Variants in STX17 observed in about 807,000 individuals in gnomAD.
STX17 encodes syntaxin 17.
Under a neutral mutation model 35.9 loss-of-function variants are expected in STX17, and 29 were observed. The ratio of observed to expected loss-of-function variants is 0.81; its 90% CI spans 0.60 to 1.10. The LOEUF is 1.10. Ranked by LOEUF, STX17 falls within the 50% of genes least tolerant of loss-of-function variation. The pLI is 0.00. For missense variants in STX17, 312 were observed against 352.3 expected (o/e 0.89, Z 0.92); for synonymous variants, 92 against 118.3 (o/e 0.78, Z 1.44).
chr9:99,907,975 A>G (rs1828584243), intron 1 of STX17, among the ~76,000 whole-genome samples: 1 of 152,108 alleles, frequency 6.6e-6, no homozygotes, highest in African/African-American at 2.4e-5. Context: ...TTCTGTCTTT[A>G]TACTCTTTCT....
chr9:99,935,561 T>C (rs1829216495), intron 3 of STX17, among the ~76,000 whole-genome samples: 1 of 152,194 alleles, frequency 6.6e-6, no homozygotes, highest in African/African-American at 2.4e-5. Context: ...TGCTGTGTTC[T>C]AGATACTCTT....
At chr9:99,941,941 G>A (rs765585615) in intron 3 of STX17, among the ~76,000 whole-genome samples, 166 of 152,196 alleles carry the variant, frequency 1.1e-3, no homozygotes, top group Non-Finnish European at 2.0e-3. Context: ...TAACATTCTT[G>A]TATATTTTTA....
At chr9:99,908,869 A>G (rs981846728) in intron 1 of STX17, among the ~76,000 whole-genome samples, 15 of 152,222 alleles carry the variant, frequency 9.9e-5, no homozygotes, top group African/African-American at 3.1e-4. Context: ...ACAAAGATCT[A>G]TGTTTATTTC....
Position 99,966,163 on chromosome 9 carries a change from G to C in STX17, c.583-1490G>C, listed in dbSNP as rs1300295525. Among the ~76,000 whole-genome samples the C allele has an allele frequency of 2.0e-5, 3 of 152,328 alleles. No individual in the cohort carries two copies. In the East Asian group the frequency reaches 5.8e-4, roughly 29 times the overall value. ...TCAGAAACTCCGGGGATTAGGCCCA[G>C]CAATCTGTGTTTTAAGAAGCCTCCA... On this transcript the variant is annotated intron_variant, in intron 6 of 7. Coordinates refer to ENST00000259400, the MANE Select transcript of STX17 (RefSeq NM_017919.3).
In STX17 at chr9:99,915,274, G is replaced by A. The variant is rs779595097; in HGVS notation, c.35G>A (p.Arg12His). Reference protein sequence around the residue: ...SEDEEKVKLRRLEPAIQKFIK... With the variant: ...SEDEEKVKLRHLEPAIQKFIK... ...GATGAAGAAAAAGTGAAATTACGCC[G>A]TCTTGAACCAGCTATCCAGAAATTC... The change falls in exon 2 of 8, where the codon CGT (arginine) becomes CAT (histidine). Residue 12 changes from arginine (R) to histidine (H), a missense_variant. Arg to His is a conservative substitution (Grantham distance 29, BLOSUM62 0). Transcript: ENST00000259400. 8.2e-5 allele frequency: 132 copies of A among 1,612,376 alleles called. No individual in the cohort carries two copies. The highest frequency in any genetic ancestry group is 6.7e-5 in the East Asian group (3 of 44,712).
At chr9:99,954,393 C>T (rs1465833771) in intron 4 of STX17, among the ~76,000 whole-genome samples, 1 of 151,894 alleles carries the variant, frequency 6.6e-6, no homozygotes, top group Non-Finnish European at 1.5e-5. Context: ...CTGAGTATTT[C>T]GCCAAGTGTG....
At chr9:99,961,704 C>T (rs1438183075) in intron 6 of STX17, among the ~76,000 whole-genome samples, 2 of 151,986 alleles carry the variant, frequency 1.3e-5, no homozygotes, top group African/African-American at 4.8e-5. Context: ...CTTTGAGTTA[C>T]GGTTTCCCTG....
Position 99,971,810 on chromosome 9 carries a change from C to T in STX17, c.*3137C>T, listed in dbSNP as rs548866247. 3.0e-4 allele frequency among the ~76,000 whole-genome samples: 45 copies of T among 151,848 alleles called. No individual in the cohort carries two copies. The highest frequency in any genetic ancestry group is 5.6e-4 in the Non-Finnish European group (38 of 67,970). On this transcript the variant is annotated 3_prime_UTR_variant, in exon 8 of 8. Transcript: ENST00000259400. ...CAGAGGCCAGAGGATCACTTGAGCCCAGGAGTTTGAGACCAGCCTGGGCAA... is the reference window on the plus strand; with the variant it reads ...CAGAGGCCAGAGGATCACTTGAGCCTAGGAGTTTGAGACCAGCCTGGGCAA...
chr9:99,957,685 C>T (rs2118509612), intron 4 of STX17, among the ~76,000 whole-genome samples: 1 of 147,808 alleles, frequency 6.8e-6, no homozygotes. Context: ...GACAGGGTCT[C>T]GCTCTGTTGC....
intron 3 of STX17, chr9:99,945,800 G>T: frequency 2.8e-6 from 1 of 360,328 alleles, no homozygotes; most frequent in Non-Finnish European, 5.5e-6. Context: ...GGACAGTTGC[G>T]GCCGGGCGCG....
At position 99,972,349 on chromosome 9, in the gene STX17, C is replaced by A. The variant is rs192118300; in HGVS notation, c.*3676C>A. Among the ~76,000 whole-genome samples, 162 of 152,204 alleles carry A rather than the reference C, an allele frequency of 1.1e-3. 2 individuals are homozygous for A. The highest frequency in any genetic ancestry group is 3.8e-3 in the African/African-American group (156 of 41,524). ...CAAATGATTATCCTTTAAAATGATA[C>A]CCTTGGGAAATCATGTACTTACTGT... is the stretch of plus-strand genomic sequence containing the variant. On this transcript the variant is annotated 3_prime_UTR_variant, in exon 8 of 8. Transcript: ENST00000259400.
In STX17 at chr9:99,971,310, A is replaced by G. The variant is rs1383406878; in HGVS notation, c.*2637A>G. Among the ~76,000 whole-genome samples, 2 of 149,398 alleles carry G rather than the reference A, an allele frequency of 1.3e-5. No individual in the cohort carries two copies. The highest frequency in any genetic ancestry group is 3.0e-5 in the Non-Finnish European group (2 of 67,558). ...GGACTTTTTTTTTTTTTTTAACATA[A>G]TCTGAGAATTTCTCTGTAGAGCAGA... On this transcript the variant is annotated 3_prime_UTR_variant, in exon 8 of 8. Coordinates refer to ENST00000259400, the MANE Select transcript of STX17 (RefSeq NM_017919.3).
At chr9:99,920,423 A>T (rs764918354) in intron 2 of STX17, among the ~76,000 whole-genome samples, 1 of 152,236 alleles carries the variant, frequency 6.6e-6, no homozygotes, top group Non-Finnish European at 1.5e-5. Flanking sequence ...TATTGAAAGT[A>T]GTAAAGCAGC....
rs145745001 is a variant in STX17, at chr9:99,915,227, A to C, written c.-13A>C. ...CAGCTGTTACCAGGGAGGTCATACA[A>C]CATTTTTTTAGGATGTCTGAAGATG... On this transcript the variant is annotated 5_prime_UTR_variant, in exon 2 of 8. Transcript: ENST00000259400. 8 of 1,607,818 alleles carry C rather than the reference A, an allele frequency of 5.0e-6. No homozygotes were observed. The South Asian group carries it at 8.9e-5, about 18-fold the overall frequency.
chr9:99,947,592 G>A (rs1285541430), intron 3 of STX17, among the ~76,000 whole-genome samples: 1 of 152,106 alleles, frequency 6.6e-6, no homozygotes, highest in Non-Finnish European at 1.5e-5. Flanking sequence ...GCCGCTGGGG[G>A]CACTAACTTT....
intron 3 of STX17, among the ~76,000 whole-genome samples, chr9:99,940,470 C>CTT (rs71498721): frequency 0.011 from 1,177 of 107,752 alleles, 36 homozygotes; most frequent in Non-Finnish European, 0.013. Context: ...TAGAATTTTA[C>CTT]TTTTTTTTTT....
rs1221634637 is a variant in STX17, at chr9:99,968,878, AG to A, written c.*208del. The stretch of plus-strand genomic sequence containing the variant: ...GTTAAGAGATTGAGGCCCTGGGCTG[AG>A]GGTATATAATGTATGTCAGGTAAAG... On this transcript the variant is annotated 3_prime_UTR_variant, in exon 8 of 8. Transcript: ENST00000259400. 7.9e-6 allele frequency: 5 copies of A among 631,130 alleles called. No individual in the cohort carries two copies. In the Admixed American group the frequency reaches 1.1e-4, roughly 14 times the overall value. 39.1% of individuals were successfully genotyped at this position (631,130 alleles called of 1,614,324 possible).
intron 3 of STX17, among the ~76,000 whole-genome samples, chr9:99,934,255 G>C (rs117941272): frequency 1.3e-5 from 2 of 152,114 alleles, no homozygotes; most frequent in Non-Finnish European, 2.9e-5. Flanking sequence ...TCTTTAATGA[G>C]AACCCATTCC....
At chr9:99,962,210 C>T (rs1043784560) in intron 6 of STX17, among the ~76,000 whole-genome samples, 1 of 152,106 alleles carries the variant, frequency 6.6e-6, no homozygotes. Context: ...AAATTGAATG[C>T]AGTAAATTGT....
Sources: allele counts gnomAD v4.1 joint callset (sites outside exome capture counted in the v4.1 genomes callset), GRCh38; gene constraint gnomAD v4.1.1; transcripts MANE v1.5; gene names NCBI Gene and HGNC (gene_info 2026-07-23, HGNC 2026-07-21).